TNIK: variants seen among roughly 807,000 people sequenced by gnomAD.
The protein encoded by TNIK is TRAF2 and NCK-interacting protein kinase.
In TNIK, 49 loss-of-function variants were observed where a neutral mutation model predicts 191.3. That is an observed-to-expected ratio of 0.26 (90% CI 0.20 to 0.32). TNIK has a LOEUF of 0.32. TNIK is among the 10% of genes least tolerant of loss of function. The pLI is 1.00. For synonymous variants in TNIK, 594 were observed against 600.9 expected, an observed-to-expected ratio of 0.99 and a Z score of 0.17; for missense variants, 1,155 against 1,702.3, an observed-to-expected ratio of 0.68 and a Z score of 5.66.
intron 7 of TNIK, among the ~76,000 whole-genome samples, chr3:171,183,372 G>A (rs1736912266): frequency 6.6e-6 from 1 of 152,170 alleles, no homozygotes; most frequent in Admixed American, 6.5e-5. Context: ...GCTTAATAAT[G>A]GGCACAGCCA....
chr3:171,419,584 T>A (rs1723502636), intron 1 of TNIK, among the ~76,000 whole-genome samples: 1 of 152,200 alleles, frequency 6.6e-6, no homozygotes, highest in African/African-American at 2.4e-5. Flanking sequence ...AAAGAGCTTT[T>A]GAAGGAAGTC....
At chr3:171,286,102 A>AG (rs1188630143) in intron 2 of TNIK, among the ~76,000 whole-genome samples, 2 of 152,070 alleles carry the variant, frequency 1.3e-5, no homozygotes, top group African/African-American at 4.8e-5. Flanking sequence ...GAGAGGGGAG[A>AG]GGGGTATATG....
chr3:171,145,902 A>C (rs969911505), intron 12 of TNIK, among the ~76,000 whole-genome samples: 1 of 152,050 alleles, frequency 6.6e-6, no homozygotes, highest in Non-Finnish European at 1.5e-5. Context: ...GCAATGCCAT[A>C]AAATTGCATT....
At chr3:171,134,008 C>A (rs1729652039) in intron 15 of TNIK, among the ~76,000 whole-genome samples, 1 of 152,076 alleles carries the variant, frequency 6.6e-6, no homozygotes, top group African/African-American at 2.4e-5. Flanking sequence ...TCTTTCACTG[C>A]TGAGCTTTGG....
chr3:171,425,170 A>G (rs559608443), intron 1 of TNIK, among the ~76,000 whole-genome samples: 2 of 152,328 alleles, frequency 1.3e-5, no homozygotes, highest in East Asian at 3.9e-4. Context: ...AATGAAATTA[A>G]TACTTGTTTT....
Position 171,202,520 on chromosome 3 carries a change from G to C in TNIK, c.307-7885C>G, listed in dbSNP as rs772093379. ...GTTATCTAAAAAAAGGAATCAAAAGGGTTGTATGGACCATTAGCAAAATAA... is the reference window on the plus strand; with the variant it reads ...GTTATCTAAAAAAAGGAATCAAAAGCGTTGTATGGACCATTAGCAAAATAA... On this transcript the variant is annotated intron_variant, in intron 4 of 32. Transcript: ENST00000436636. Among the ~76,000 whole-genome samples the C allele has an allele frequency of 5.3e-5, 8 of 152,084 alleles. 1 individual carries two copies. The highest frequency in any genetic ancestry group is 1.0e-4 in the Non-Finnish European group (7 of 68,020).
chr3:171,315,406 T>C (rs928854712), intron 2 of TNIK, among the ~76,000 whole-genome samples: 2 of 152,168 alleles, frequency 1.3e-5, no homozygotes, highest in African/African-American at 4.8e-5. Flanking sequence ...ACTCTATTCA[T>C]TCTTTCATCC....
chr3:171,112,133 C>A (rs924942347), intron 18 of TNIK, among the ~76,000 whole-genome samples: 3 of 152,120 alleles, frequency 2.0e-5, no homozygotes, highest in African/African-American at 7.2e-5. Context: ...GTAATCATTT[C>A]ACAGTGTATA....
intron 1 of TNIK, among the ~76,000 whole-genome samples, chr3:171,458,492 G>C (rs756901816): frequency 1.3e-5 from 2 of 152,266 alleles, no homozygotes; most frequent in East Asian, 1.9e-4. Flanking sequence ...TACTTGCCTT[G>C]CTGAAACCTC....
chr3:171,205,712 C>G (rs1739979001), intron 4 of TNIK, among the ~76,000 whole-genome samples: 1 of 152,158 alleles, frequency 6.6e-6, no homozygotes, highest in African/African-American at 2.4e-5. Flanking sequence ...GATCCCATCC[C>G]CCTCACTCCA....
At chr3:171,218,453 A>G (rs964104847) in intron 3 of TNIK, among the ~76,000 whole-genome samples, 1 of 152,086 alleles carries the variant, frequency 6.6e-6, no homozygotes, top group Non-Finnish European at 1.5e-5. Context: ...AAAGTCTACC[A>G]TAAATGGCGT....
chr3:171,427,649 G>C (rs571233830), intron 1 of TNIK, among the ~76,000 whole-genome samples: 26 of 152,230 alleles, frequency 1.7e-4, no homozygotes, highest in African/African-American at 6.0e-4. Flanking sequence ...GCTTTCTCTC[G>C]CATTAGTTAA....
At chr3:171,269,438 CAAT>C (rs1339468365) in intron 2 of TNIK, among the ~76,000 whole-genome samples, 1 of 152,126 alleles carries the variant, frequency 6.6e-6, no homozygotes, top group African/African-American at 2.4e-5. Context: ...TTATTTATGC[CAAT>C]AATATTTGTA....
At chr3:171,358,041 A>G (rs140923167) in intron 2 of TNIK, among the ~76,000 whole-genome samples, 147 of 152,280 alleles carry the variant, frequency 9.7e-4, no homozygotes, top group African/African-American at 3.4e-3. Context: ...GGACGGCTCC[A>G]TGAGGTAGAT....
intron 2 of TNIK, among the ~76,000 whole-genome samples, chr3:171,246,700 T>C (rs1211052704): frequency 2.6e-5 from 4 of 152,218 alleles, no homozygotes; most frequent in African/African-American, 7.2e-5. Flanking sequence ...TTTCTAGCAC[T>C]AGTTTTTCCC....
chr3:171,095,247 G>A (rs1180045018), intron 22 of TNIK, among the ~76,000 whole-genome samples: 1 of 152,194 alleles, frequency 6.6e-6, no homozygotes, highest in Non-Finnish European at 1.5e-5. Context: ...GGCTCAAAAA[G>A]TGATGACTGA....
chr3:171,299,114 G>A (rs1206660738), intron 2 of TNIK, among the ~76,000 whole-genome samples: 1 of 152,148 alleles, frequency 6.6e-6, no homozygotes, highest in Non-Finnish European at 1.5e-5. Context: ...GATTTTGTGG[G>A]AGACTGCACA....
chr3:171,248,066 G>C (rs1745809424), intron 2 of TNIK, among the ~76,000 whole-genome samples: 1 of 152,178 alleles, frequency 6.6e-6, no homozygotes. Context: ...CACACAGAGG[G>C]AAAAGCTTTA....
intron 27 of TNIK, among the ~76,000 whole-genome samples, chr3:171,081,439 C>T (rs984080713): frequency 2.7e-5 from 4 of 150,606 alleles, no homozygotes; most frequent in African/African-American, 7.4e-5. Context: ...AAACTATGAA[C>T]GCTCCTGATG....
Sources: gnomAD v4.1 joint callset for allele counts (sites outside exome capture counted in the v4.1 genomes callset) on GRCh38, gnomAD v4.1.1 for gene constraint, MANE v1.5 for transcripts, NCBI Gene and HGNC (gene_info 2026-07-23, HGNC 2026-07-21) for gene names.